Variants in EIF5B observed in about 807,000 individuals in gnomAD.
EIF5B encodes eukaryotic translation initiation factor 5B.
EIF5B carries 47 observed loss-of-function variants against 147.5 expected under a neutral mutation model. The ratio of observed to expected loss-of-function variants is 0.32; its 90% CI spans 0.25 to 0.41. The LOEUF is 0.41. Among genes scored for constraint, EIF5B ranks in the 10% least tolerant of loss-of-function variants. The pLI, the probability that EIF5B is intolerant of heterozygous loss-of-function variation, is 1.00. For missense variants in EIF5B, 1,064 were observed against 1,413.2 expected, an observed-to-expected ratio of 0.75 and a Z score of 3.96; for synonymous variants, 455 against 456.2, an observed-to-expected ratio of 1.00 and a Z score of 0.03.
intron 1 of EIF5B, among the ~76,000 whole-genome samples, chr2:99,341,371 G>C (rs1377156433): frequency 6.6e-6 from 1 of 152,214 alleles, no homozygotes. Flanking sequence ...GTCCTAGTTT[G>C]CTATAAATTA....
intron 1 of EIF5B, among the ~76,000 whole-genome samples, chr2:99,348,099 A>G (rs1418109797): frequency 6.6e-6 from 1 of 152,216 alleles, no homozygotes; most frequent in Non-Finnish European, 1.5e-5. Context: ...GGGGGCGTCT[A>G]CAAGATTTGT....
At chr2:99,353,396 C>A (rs1404108529) in intron 1 of EIF5B, among the ~76,000 whole-genome samples, 1 of 151,352 alleles carries the variant, frequency 6.6e-6, no homozygotes, top group Admixed American at 6.6e-5. Flanking sequence ...TGGGCTCAAG[C>A]AATCCACCCA....
chr2:99,361,383 G>A lies in EIF5B; in HGVS notation c.482G>A (p.Trp161Ter), dbSNP rs759917594. 6.2e-7 allele frequency: 1 copy of A among 1,611,962 alleles called. No individual in the cohort carries two copies. The highest frequency in any genetic ancestry group is 1.3e-5 in the African/African-American group (1 of 74,834). ...KGKAQKSNKK[W>*]DGSEEDEDNS... ...AAAGCTCAAAAATCAAATAAGAAGT[G>A]GGATGGGTCAGAGGAGGATGAGGAT... The change falls in exon 4 of 24, where the codon TGG (tryptophan) becomes TAG (stop). Residue 161 changes from tryptophan (W) to a stop codon, truncating the protein, a stop_gained. Coordinates refer to ENST00000289371, the MANE Select transcript of EIF5B (RefSeq NM_015904.4). LOFTEE classifies it high-confidence loss of function.
chr2:99,337,667 G>T, intron 1 of EIF5B, 78 bp downstream of exon 1: 6 of 1,512,860 alleles, frequency 4.0e-6, no homozygotes, highest in Non-Finnish European at 5.3e-6. Context: ...GCGCGGCGTC[G>T]GACCGGGGTC....
At chr2:99,385,958 A>G (rs969551178) in intron 14 of EIF5B, among the ~76,000 whole-genome samples, 3 of 152,206 alleles carry the variant, frequency 2.0e-5, no homozygotes, top group African/African-American at 4.8e-5. Context: ...ATGATTTCAT[A>G]TAAATGGAAT....
intron 8 of EIF5B, 137 bp downstream of exon 8, chr2:99,369,618 G>T: frequency 1.7e-6 from 1 of 581,254 alleles, no homozygotes; most frequent in Non-Finnish European, 2.9e-6. Context: ...TTTCTTCATA[G>T]TTCTTTCTTT....
At chr2:99,361,064 T>C in intron 3 of EIF5B, 84 bp from the exon 4 acceptor site, 1 of 1,204,180 alleles carries the variant, frequency 8.3e-7, no homozygotes, top group Non-Finnish European at 1.1e-6. Flanking sequence ...TTGAGATTTT[T>C]AAAAAATGTT....
intron 6 of EIF5B, among the ~76,000 whole-genome samples, chr2:99,367,891 G>A (rs1014750594): frequency 1.3e-5 from 2 of 152,116 alleles, no homozygotes; most frequent in Non-Finnish European, 2.9e-5. Context: ...TTGCCCAAGA[G>A]AAATGTTCAC....
Position 99,369,485 on chromosome 2 carries a change from G to T in EIF5B, c.1477+4G>T, listed in dbSNP as rs756984540. The T allele has an allele frequency of 8.1e-6, 13 of 1,603,954 alleles. No homozygotes were observed. The Admixed American group carries it at 1.4e-4, about 17-fold the overall frequency. On this transcript the variant is annotated splice_donor_region_variant and intron_variant, in intron 8 of 23. Transcript: ENST00000289371. ...ACACCACCTCCTGTTGAACCAGGCG[G>T]GTAGTGTTATCTGATTATTTAATTA...
At chr2:99,357,188 CT>C (rs1418484918) in intron 1 of EIF5B, among the ~76,000 whole-genome samples, 1 of 152,118 alleles carries the variant, frequency 6.6e-6, no homozygotes, top group Admixed American at 6.6e-5. Context: ...AGGCTTGCAG[CT>C]TTGTTCTTCA....
chr2:99,390,630 T>C lies in EIF5B; in HGVS notation c.2673T>C (p.Pro891=). ...RLKEGDTIIV[P]GVEGPIVTQI... is the part of the protein sequence containing the mutation. The stretch of plus-strand genomic sequence containing the variant: ...AGGAAGGAGATACAATCATTGTTCC[T>C]GGAGTAGAAGGGCCCATTGTAACTC... Residue 891 remains proline (P), a synonymous_variant, in exon 17 of 24, where the codon CCT becomes CCC. Coordinates refer to ENST00000289371, the MANE Select transcript of EIF5B (RefSeq NM_015904.4). 6.2e-7 allele frequency: 1 copy of C among 1,613,214 alleles called. No homozygotes were observed. The highest frequency in any genetic ancestry group is 8.5e-7 in the Non-Finnish European group (1 of 1,179,244).
rs1231170479 is a variant in EIF5B, at chr2:99,400,479, AT to A, written c.*1069del. ...AGTTCCAAATATCCACTAGCATAGA[AT>A]TTTAAACTATTTTTATTTTAAAGTT... On this transcript the variant is annotated 3_prime_UTR_variant, in exon 24 of 24. Transcript: ENST00000289371. 4 of 152,226 alleles carry A rather than the reference AT, an allele frequency of 2.6e-5. No individual in the cohort carries two copies. In the East Asian group the frequency reaches 7.7e-4, roughly 29 times the overall value. The allele number at this position is 152,226 out of a possible 1,614,324, so 9.4% of individuals were successfully genotyped here.
In EIF5B at chr2:99,389,829, A is replaced by T; in HGVS notation, c.2383A>T (p.Ile795Phe). ...DEFEERAKAI[I>F]VEFAQQGLNA... ...ATTTGAGGAGCGAGCAAAGGCTATT[A>T]TTGTAGAATTTGCACAGCAGGTAAG... is the stretch of plus-strand genomic sequence containing the variant. The change falls in exon 15 of 24, where the codon ATT (isoleucine) becomes TTT (phenylalanine). Residue 795 changes from isoleucine to phenylalanine, a missense_variant. Around this residue, in one of 4 missense-constraint regions of EIF5B, gnomAD observed 380 missense variants for 715.6 expected, o/e 0.53. Transcript: ENST00000289371. The T allele has an allele frequency of 6.2e-7, 1 of 1,611,618 alleles. No individual in the cohort carries two copies. Among genetic ancestry groups the T allele is most frequent in the South Asian group, 1.1e-5 (1 of 90,204 alleles).
chr2:99,356,068 C>T (rs1021040622), intron 1 of EIF5B, among the ~76,000 whole-genome samples: 4 of 152,138 alleles, frequency 2.6e-5, no homozygotes, highest in Admixed American at 1.3e-4. Context: ...TATTATTAAG[C>T]GAAGTGCATA....
intron 23 of EIF5B, 71 bp downstream of exon 23, chr2:99,398,980 T>TAG: frequency 1.3e-6 from 2 of 1,516,744 alleles, no homozygotes; most frequent in Non-Finnish European, 1.8e-6. Flanking sequence ...CCTGTACCTG[T>TAG]AGCTCCTTGG....
At chr2:99,339,003 T>TATACAAATATATATATATATAG (rs1351384616) in intron 1 of EIF5B, among the ~76,000 whole-genome samples, 1 of 144,168 alleles carries the variant, frequency 6.9e-6, no homozygotes, top group Non-Finnish European at 1.5e-5. Context: ...AATATATATA[T>TATACAAATATATATATATATAG]ACATTTTTTT....
intron 1 of EIF5B, among the ~76,000 whole-genome samples, chr2:99,358,235 T>G (rs889262339): frequency 6.6e-6 from 1 of 152,104 alleles, no homozygotes; most frequent in African/African-American, 2.4e-5. Flanking sequence ...CCTGGCTAAT[T>G]TTTTTATATT....
At position 99,379,459 on chromosome 2, in the gene EIF5B, C is replaced by A. The variant is rs535614578; in HGVS notation, c.2061+31C>A. 4.2e-5 allele frequency: 65 copies of A among 1,534,052 alleles called. No homozygotes were observed. The South Asian group carries it at 7.1e-4, about 17-fold the overall frequency. On this transcript the variant is annotated intron_variant, in intron 12 of 23. Coordinates refer to ENST00000289371, the MANE Select transcript of EIF5B (RefSeq NM_015904.4). ...TACATTGTATTTCATGTATTTTAAT[C>A]TCTGACAAAAATTAAGATATGAACT... is the stretch of plus-strand genomic sequence containing the variant.
chr2:99,359,443 C>T (rs1045372046), intron 1 of EIF5B, among the ~76,000 whole-genome samples: 5 of 152,062 alleles, frequency 3.3e-5, no homozygotes, highest in Non-Finnish European at 7.4e-5. Flanking sequence ...TTATAAAGGC[C>T]ACATTACATG....
Sources: gnomAD v4.1 joint callset for allele counts (sites outside exome capture counted in the v4.1 genomes callset) on GRCh38, gnomAD v4.1.1 for gene constraint, gnomAD v4.1.1 regional missense constraint, MANE v1.5 for transcripts, NCBI Gene and HGNC (gene_info 2026-07-23, HGNC 2026-07-21) for gene names.